Variants in HSD17B3 observed in about 807,000 individuals in gnomAD.
The protein encoded by HSD17B3 is 17-beta-hydroxysteroid dehydrogenase type 3.
Under a neutral mutation model 41.1 loss-of-function variants are expected in HSD17B3, and 29 were observed. That is an observed-to-expected ratio of 0.71 (90% confidence interval 0.53 to 0.96). The LOEUF (loss-of-function observed/expected upper bound fraction) is 0.96. HSD17B3 is among the 40% of genes least tolerant of loss of function. HSD17B3 has a pLI of 0.00. For synonymous variants in HSD17B3, 126 were observed against 145.6 expected (o/e 0.87, Z 0.97); for missense variants, 323 against 374.6 (o/e 0.86, Z 1.14).
chr9:96,261,642 G>A lies in HSD17B3; in HGVS notation c.202-6699C>T, dbSNP rs567460449. ...TAGAGCAGTGAGCGGCACCTCCACG[G>A]GGAGAACCCATAAAAGGGCCCCACA... On this transcript the variant is annotated intron_variant, in intron 2 of 10. Transcript: ENST00000375263. 1.6e-4 allele frequency among the ~76,000 whole-genome samples: 24 copies of A among 152,308 alleles called. No homozygotes were observed. The East Asian group carries it at 4.6e-3, about 29-fold the overall frequency.
chr9:96,291,111 T>C (rs1827140692), intron 2 of HSD17B3, among the ~76,000 whole-genome samples: 1 of 152,124 alleles, frequency 6.6e-6, no homozygotes, highest in African/African-American at 2.4e-5. Context: ...TGTGGAGATC[T>C]GAATTCCACC....
rs534938932 is a variant in HSD17B3, at chr9:96,238,352, A to T, written c.822+2406T>A. 2.8e-4 allele frequency among the ~76,000 whole-genome samples: 42 copies of T among 152,208 alleles called. No individual in the cohort carries two copies. The East Asian group carries it at 7.5e-3, about 27-fold the overall frequency. ...TGGAGAGGGCTAAGCTGTGACACCG[A>T]GAAAGTGCACAAGAAATCTGTAGTT... On this transcript the variant is annotated intron_variant, in intron 10 of 10. Coordinates refer to ENST00000375263, the MANE Select transcript of HSD17B3 (RefSeq NM_000197.2).
rs35760395 is a variant in HSD17B3 at position 96,301,710 on chromosome 9, C to CAAAA, written c.154+237_154+240dup. On this transcript the variant is annotated intron_variant, in intron 1 of 10. Coordinates refer to ENST00000375263, the MANE Select transcript of HSD17B3 (RefSeq NM_000197.2). ...CGGGCAACAGAGTGAGACTCTGTCT[C>CAAAA]AAAAAAAAAAAAAAAACACCATTAG... Among the ~76,000 whole-genome samples the CAAAA allele has an allele frequency of 1.5e-3, 154 of 103,468 alleles. 1 individual carries two copies. Among genetic ancestry groups the CAAAA allele is most frequent in the African/African-American group, 4.6e-3 (127 of 27,534 alleles). 67.9% of individuals were successfully genotyped at this position (103,468 alleles called of 152,430 possible).
intron 2 of HSD17B3, among the ~76,000 whole-genome samples, chr9:96,266,437 T>C (rs1320308042): frequency 3.9e-5 from 6 of 152,080 alleles, no homozygotes; most frequent in Non-Finnish European, 8.8e-5. Flanking sequence ...CATTCCTGGC[T>C]AATTTTTTTT....
chr9:96,284,035 T>C (rs2130781075), intron 2 of HSD17B3, among the ~76,000 whole-genome samples: 1 of 151,924 alleles, frequency 6.6e-6, no homozygotes, highest in African/African-American at 2.4e-5. Flanking sequence ...CTGGCCAATA[T>C]GGTGAAACCC....
At chr9:96,295,735 A>G (rs1005823235) in intron 2 of HSD17B3, among the ~76,000 whole-genome samples, 6 of 152,188 alleles carry the variant, frequency 3.9e-5, no homozygotes, top group African/African-American at 1.4e-4. Flanking sequence ...TTCACATAAG[A>G]TGGCTTTGTT....
At chr9:96,273,721 G>A (rs1360838870) in intron 2 of HSD17B3, among the ~76,000 whole-genome samples, 1 of 152,176 alleles carries the variant, frequency 6.6e-6, no homozygotes, top group Non-Finnish European at 1.5e-5. Context: ...GGAAAAAGGA[G>A]AACAGGAAGA....
At chr9:96,291,000 C>T (rs940106442) in intron 2 of HSD17B3, among the ~76,000 whole-genome samples, 1 of 152,008 alleles carries the variant, frequency 6.6e-6, no homozygotes, top group Non-Finnish European at 1.5e-5. Context: ...ACACCCCTGC[C>T]AGTAAAGGCT....
chr9:96,301,707 T>C, intron 1 of HSD17B3, among the ~76,000 whole-genome samples: 2 of 101,968 alleles, frequency 2.0e-5, no homozygotes, highest in African/African-American at 4.1e-5. Context: ...TGAGACTCTG[T>C]CTCAAAAAAA....
At chr9:96,271,467 C>T (rs1322109345) in intron 2 of HSD17B3, among the ~76,000 whole-genome samples, 1 of 152,192 alleles carries the variant, frequency 6.6e-6, no homozygotes, top group Admixed American at 6.5e-5. Flanking sequence ...AGTGACATTT[C>T]CCAGCCTTCC....
chr9:96,246,117 G>A (rs1041649722), intron 7 of HSD17B3, among the ~76,000 whole-genome samples: 3 of 152,166 alleles, frequency 2.0e-5, no homozygotes, highest in Admixed American at 1.3e-4. Context: ...AATGGGCATT[G>A]GAATAGGGTG....
intron 1 of HSD17B3, among the ~76,000 whole-genome samples, chr9:96,299,151 T>C (rs1827478735): frequency 6.6e-6 from 1 of 152,228 alleles, no homozygotes; most frequent in Non-Finnish European, 1.5e-5. Context: ...TACGCTTCAT[T>C]CGTGAGAACG....
At chr9:96,286,359 C>A (rs1294766811) in intron 2 of HSD17B3, among the ~76,000 whole-genome samples, 8 of 150,796 alleles carry the variant, frequency 5.3e-5, no homozygotes, top group African/African-American at 1.9e-4. Context: ...AAAAAAAAAA[C>A]AGGTTGCAGT....
At chr9:96,272,604 A>G (rs1404965488) in intron 2 of HSD17B3, among the ~76,000 whole-genome samples, 1 of 150,824 alleles carries the variant, frequency 6.6e-6, no homozygotes, top group Non-Finnish European at 1.5e-5. Context: ...GGGAAAATGG[A>G]TCATTCATAC....
intron 10 of HSD17B3, among the ~76,000 whole-genome samples, chr9:96,238,493 C>G (rs1313779551): frequency 3.9e-5 from 6 of 152,300 alleles, no homozygotes; most frequent in African/African-American, 1.4e-4. Flanking sequence ...GAAACCCTGT[C>G]TCCACTAAAA....
At chr9:96,269,255 C>A (rs1394031668) in intron 2 of HSD17B3, among the ~76,000 whole-genome samples, 4 of 152,146 alleles carry the variant, frequency 2.6e-5, no homozygotes, top group Admixed American at 1.3e-4. Context: ...GTATTAGAAA[C>A]TTACAGGACC....
chr9:96,241,692 T>C (rs1836444138), intron 9 of HSD17B3, among the ~76,000 whole-genome samples: 1 of 152,038 alleles, frequency 6.6e-6, no homozygotes, highest in Non-Finnish European at 1.5e-5. Flanking sequence ...CCCAGCATGT[T>C]GGGAGGCCAA....
At chr9:96,248,525 G>T (rs1836763854) in intron 6 of HSD17B3, among the ~76,000 whole-genome samples, 1 of 152,154 alleles carries the variant, frequency 6.6e-6, no homozygotes. Flanking sequence ...TCAGGAATCA[G>T]ACTTTACTTA....
intron 2 of HSD17B3, among the ~76,000 whole-genome samples, chr9:96,279,628 T>C (rs1056027879): frequency 3.3e-5 from 5 of 152,268 alleles, no homozygotes; most frequent in South Asian, 2.1e-4. Flanking sequence ...CTACAGACCA[T>C]AGATTTTCCC....
Sources: gnomAD v4.1 joint callset for allele counts (sites outside exome capture counted in the v4.1 genomes callset) on GRCh38, gnomAD v4.1.1 for gene constraint, MANE v1.5 for transcripts, NCBI Gene and HGNC (gene_info 2026-07-23, HGNC 2026-07-21) for gene names.